The following CFAP54 variants were observed in gnomAD, a reference collection of about 807,000 sequenced individuals.
CFAP54 encodes the protein cilia and flagella associated protein 54, also known as cilia- and flagella-associated protein 54.
In CFAP54, 290 loss-of-function variants were observed where a neutral mutation model predicts 370.4. The ratio of observed to expected loss-of-function variants is 0.78; its 90% confidence interval spans 0.71 to 0.86. The LOEUF is 0.86. CFAP54 is among the 40% of genes least tolerant of loss of function. The probability of loss-of-function intolerance (pLI) is 0.00; values close to 1 mark genes in which losing one functional copy is unlikely to be tolerated. For missense variants in CFAP54, 3,399 were observed against 3,528.7 expected (o/e 0.96, Z 0.93); for synonymous variants, 1,206 against 1,236.5 (o/e 0.98, Z 0.52).
intron 15 of CFAP54, among the ~76,000 whole-genome samples, chr12:96,552,775 G>T (rs111640858): frequency 3.3e-5 from 5 of 152,304 alleles, no homozygotes; most frequent in African/African-American, 1.2e-4. Context: ...AGTAAACTTG[G>T]CATCATTGCA....
chr12:96,629,024 G>A (rs559020109), intron 30 of CFAP54, among the ~76,000 whole-genome samples: 1 of 152,180 alleles, frequency 6.6e-6, no homozygotes. Flanking sequence ...CTCAGTTCCT[G>A]TTGGTATTCA....
At chr12:96,805,712 C>A (rs147305786) in intron 63 of CFAP54, among the ~76,000 whole-genome samples, 103 of 152,116 alleles carry the variant, frequency 6.8e-4, no homozygotes, top group Non-Finnish European at 1.3e-3. Flanking sequence ...ATTGAACCAC[C>A]ATTGGATTCA....
chr12:96,551,172 C>T (rs555484912), intron 15 of CFAP54, among the ~76,000 whole-genome samples: 2 of 133,888 alleles, frequency 1.5e-5, no homozygotes, highest in East Asian at 3.5e-4. Flanking sequence ...TTGGGAGGAT[C>T]GCCTGAGCCC....
intron 47 of CFAP54, 116 bp downstream of exon 47, chr12:96,704,912 CT>C: frequency 2.7e-6 from 1 of 364,368 alleles, no homozygotes; most frequent in Non-Finnish European, 5.2e-6. Context: ...GTGTAATATT[CT>C]TTTCTTTTTT....
chr12:96,713,020 C>CAA (rs1957632289), intron 48 of CFAP54, among the ~76,000 whole-genome samples: 1 of 151,852 alleles, frequency 6.6e-6, no homozygotes, highest in Non-Finnish European at 1.5e-5. Flanking sequence ...TGGCTTTTAC[C>CAA]AAAAAGACAG....
chr12:96,835,829 AT>A (rs1317439378), intron 66 of CFAP54, among the ~76,000 whole-genome samples: 1 of 152,122 alleles, frequency 6.6e-6, no homozygotes, highest in African/African-American at 2.4e-5. Flanking sequence ...CACTAGCTCC[AT>A]GGAGTGTGCA....
chr12:96,504,314 A>G (rs1955066225), intron 3 of CFAP54, among the ~76,000 whole-genome samples: 1 of 152,246 alleles, frequency 6.6e-6, no homozygotes, highest in Non-Finnish European at 1.5e-5. Context: ...TTTGGAAAAC[A>G]AATTTGATAA....
At chr12:96,840,623 TTTC>T (rs1565999139) in intron 66 of CFAP54, among the ~76,000 whole-genome samples, 5 of 44,318 alleles carry the variant, frequency 1.1e-4, no homozygotes, top group Admixed American at 2.4e-4. Context: ...TCTCTGTTTC[TTTC>T]TTTTTTTTTT....
At chr12:96,556,077 C>T (rs1955747823) in intron 17 of CFAP54, among the ~76,000 whole-genome samples, 1 of 151,906 alleles carries the variant, frequency 6.6e-6, no homozygotes, top group East Asian at 1.9e-4. Flanking sequence ...AATTACATTT[C>T]TTACCTTCCC....
At chr12:96,559,586 T>C (rs965675050) in intron 17 of CFAP54, among the ~76,000 whole-genome samples, 1 of 152,156 alleles carries the variant, frequency 6.6e-6, no homozygotes, top group African/African-American at 2.4e-5. Context: ...CACATATAAA[T>C]ATGTATATTT....
intron 39 of CFAP54, among the ~76,000 whole-genome samples, chr12:96,666,763 C>T (rs926224911): frequency 2.6e-5 from 4 of 152,142 alleles, no homozygotes; most frequent in Non-Finnish European, 5.9e-5. Flanking sequence ...TATCATTCTG[C>T]CCCTGACCCC....
chr12:96,507,651 C>T (rs1399468702), intron 4 of CFAP54, among the ~76,000 whole-genome samples: 1 of 152,006 alleles, frequency 6.6e-6, no homozygotes, highest in African/African-American at 2.4e-5. Context: ...TTTAAAGTTG[C>T]AACTTACTGC....
At chr12:96,815,013 A>C (rs936526461) in intron 64 of CFAP54, among the ~76,000 whole-genome samples, 1 of 152,192 alleles carries the variant, frequency 6.6e-6, no homozygotes, top group African/African-American at 2.4e-5. Context: ...TGCAGTAAAC[A>C]TACATGTGCA....
Position 96,547,906 on chromosome 12 carries a change from A to G in CFAP54, c.2082A>G (p.Val694=). 1 of 1,472,286 alleles carries G rather than the reference A, an allele frequency of 6.8e-7. No homozygotes were observed. Among genetic ancestry groups the G allele is most frequent in the Non-Finnish European group, 9.0e-7 (1 of 1,105,566 alleles). The allele number at this position is 1,472,286 out of a possible 1,614,324, so 91.2% of individuals were successfully genotyped here. ...PGRKFKQSLD[V]PLREGTNKFP... is the part of the protein sequence containing the mutation. ...CCTCCTTCCTTTCTTTTCCAGATGT[A>G]CCTTTAAGAGAAGGGACTAACAAAT... The change falls in exon 15 of 68, where the codon GTA becomes GTG. Residue 694 remains valine, a synonymous_variant. Coordinates refer to ENST00000524981, the MANE Select transcript of CFAP54 (RefSeq NM_001306084.2).
At chr12:96,809,833 C>T (rs1049366753) in intron 63 of CFAP54, among the ~76,000 whole-genome samples, 1 of 152,172 alleles carries the variant, frequency 6.6e-6, no homozygotes, top group Non-Finnish European at 1.5e-5. Flanking sequence ...TCAGTTTCCC[C>T]AAAGACAATT....
At position 96,860,134 on chromosome 12, in the gene CFAP54, A is replaced by AT. The variant is rs137937553; in HGVS notation, c.9172-660dup. ...GAAATTAATAAAAACTTGTTCTCTA[A>AT]TTTTTTTTTTTTTTTTTTTTTTTTT... is the stretch of plus-strand genomic sequence containing the variant. On this transcript the variant is annotated intron_variant, in intron 66 of 67. Coordinates refer to ENST00000524981, the MANE Select transcript of CFAP54 (RefSeq NM_001306084.2). 4.4e-3 allele frequency among the ~76,000 whole-genome samples: 559 copies of AT among 127,950 alleles called. 3 individuals carry two copies. The highest frequency in any genetic ancestry group is 7.4e-3 in the Non-Finnish European group (451 of 61,158). The allele number at this position is 127,950 out of a possible 152,430, so 83.9% of individuals were successfully genotyped here. A position where few individuals can be genotyped will look rare whatever the true frequency, so the allele number is the denominator to read the frequency against.
chr12:96,847,917 AGTGATG>A (rs1486921690), intron 66 of CFAP54, among the ~76,000 whole-genome samples: 1 of 152,240 alleles, frequency 6.6e-6, no homozygotes, highest in Non-Finnish European at 1.5e-5. Context: ...TGACAATGGT[AGTGATG>A]GTGATGGTGA....
intron 40 of CFAP54, among the ~76,000 whole-genome samples, chr12:96,683,460 T>C (rs1189271039): frequency 6.6e-6 from 1 of 152,248 alleles, no homozygotes; most frequent in African/African-American, 2.4e-5. Flanking sequence ...TCAGAAATCA[T>C]GTACATTTAG....
chr12:96,724,666 G>A (rs1381530368), intron 50 of CFAP54, among the ~76,000 whole-genome samples: 1 of 152,086 alleles, frequency 6.6e-6, no homozygotes, highest in Non-Finnish European at 1.5e-5. Flanking sequence ...CTGTGCAGAA[G>A]CTCTTTAGTT....
Sources: allele counts gnomAD v4.1 joint callset (sites outside exome capture counted in the v4.1 genomes callset), GRCh38; gene constraint gnomAD v4.1.1; transcripts MANE v1.5; gene names NCBI Gene and HGNC (gene_info 2026-07-23, HGNC 2026-07-21).